OR9A2: variants seen among roughly 807,000 people sequenced by gnomAD.
OR9A2 encodes the protein olfactory receptor family 9 subfamily A member 2.
A neutral mutation model predicts 18.7 loss-of-function variants in OR9A2; 14 were observed. That is an observed-to-expected ratio of 0.75 (90% confidence interval 0.50 to 1.17). OR9A2 has a LOEUF of 1.17. Among genes scored for constraint, OR9A2 ranks in the 50% most tolerant of loss-of-function variants. The probability of loss-of-function intolerance (pLI) is 0.00; values close to 1 mark genes in which losing one functional copy is unlikely to be tolerated. For synonymous variants in OR9A2, 142 were observed against 142.6 expected, an observed-to-expected ratio of 1.00 and a Z score of 0.03; for missense variants, 353 against 372.7, an observed-to-expected ratio of 0.95 and a Z score of 0.44.
At position 143,026,530 on chromosome 7, in the gene OR9A2, A is replaced by G; in HGVS notation, c.603T>C (p.Phe201=). The change falls in exon 1 of 1, where the codon TTT becomes TTC. Residue 201 remains phenylalanine (F), a synonymous_variant. Coordinates refer to ENST00000350513, the MANE Select transcript of OR9A2 (RefSeq NM_001001658.1). ...TEFILFLMAV[F]ILIGSLIPTI... ...TAGGGATCAAAGAACCAATGAGAAT[A>G]AAAACAGCCATTAAGAAAAGGATAA... 1 of 1,614,220 alleles carries G rather than the reference A, an allele frequency of 6.2e-7. No individual in the cohort carries two copies. The highest frequency in any genetic ancestry group is 1.1e-5 in the South Asian group (1 of 91,082).
In OR9A2 at chr7:143,026,992, A is replaced by AC. The variant is rs1562985268; in HGVS notation, c.140_141insG (p.Ile47MetfsTer6). ...ACTGCAGACGTTTATCCACACAGAC[A>AC]ATCACAATGATGACCGTGTTTCCCA... is the stretch of plus-strand genomic sequence containing the variant. On this transcript the variant is annotated frameshift_variant, in exon 1 of 1. Coordinates refer to ENST00000350513, the MANE Select transcript of OR9A2 (RefSeq NM_001001658.1). LOFTEE classifies it high-confidence loss of function. 2.5e-6 allele frequency: 4 copies of AC among 1,614,064 alleles called. No individual in the cohort carries two copies. In the African/African-American group the frequency reaches 5.3e-5, roughly 22 times the overall value.
At position 143,026,565 on chromosome 7, in the gene OR9A2, G is replaced by A. The variant is rs2116446539; in HGVS notation, c.568C>T (p.Leu190Phe). ...LLKLSCDNTL[L>F]TEFILFLMAV... ...ATTAAGAAAAGGATAAACTCTGTGA[G>A]AAGAGTGTTATCGCAGGACAGTTTG... is the stretch of plus-strand genomic sequence containing the variant. The change falls in exon 1 of 1, where the codon CTC becomes TTC. Residue 190 changes from leucine to phenylalanine, a missense_variant. Leu to Phe is a conservative substitution (Grantham distance 22). Coordinates refer to ENST00000350513, the MANE Select transcript of OR9A2 (RefSeq NM_001001658.1). 6.2e-7 allele frequency: 1 copy of A among 1,614,126 alleles called. No individual in the cohort carries two copies. Among genetic ancestry groups the A allele is most frequent in the South Asian group, 1.1e-5 (1 of 91,074 alleles).
In OR9A2 at chr7:143,027,089, C is replaced by A; in HGVS notation, c.44G>T (p.Gly15Val). The A allele has an allele frequency of 6.2e-7, 1 of 1,610,254 alleles. No homozygotes were observed. Among genetic ancestry groups the A allele is most frequent in the East Asian group, 2.2e-5 (1 of 44,842 alleles). ...GTGTAGTCCTTGGGACCCAGGGAAG[C>A]CTAGAAGGTGGAATTCAGTGGCACT... ...HSSATEFHLL[G>V]FPGSQGLHHI... Residue 15 changes from glycine to valine, a missense_variant, in exon 1 of 1, where the codon GGC becomes GTC. Coordinates refer to ENST00000350513, the MANE Select transcript of OR9A2 (RefSeq NM_001001658.1).
chr7:143,026,869 TC>T lies in OR9A2; in HGVS notation c.263del (p.Gly88AspfsTer26), dbSNP rs772087558. On this transcript the variant is annotated frameshift_variant, in exon 1 of 1. Transcript: ENST00000350513. LOFTEE classifies it high-confidence loss of function. The stretch of plus-strand genomic sequence containing the variant: ...CATGTAGAGAAAGATACTGTCTGCA[TC>T]CCAGGAAGAGCAATCCCCAAAGCAT... ...PMMLWGLLFLGCRQYLSLHVS... is the reference protein window; with the variant it reads ...PMMLWGLLFLXCRQYLSLHVS... 1 of 1,614,138 alleles carries T rather than the reference TC, an allele frequency of 6.2e-7. No homozygotes were observed. The highest frequency in any genetic ancestry group is 1.7e-5 in the Admixed American group (1 of 60,006).
Position 143,026,948 on chromosome 7 carries a change from A to G in OR9A2, c.185T>C (p.Leu62Pro), listed in dbSNP as rs772160907. ...KRLQSPMYFF[L>P]SHLSTLEILV... ...GATCTCCAGGGTAGAGAGGTGGCTGAGGAAGAAATACATGGGGGACTGCAG... is the reference window on the plus strand; with the variant it reads ...GATCTCCAGGGTAGAGAGGTGGCTGGGGAAGAAATACATGGGGGACTGCAG... Residue 62 changes from leucine (L) to proline (P), a missense_variant, in exon 1 of 1, where the codon CTC (leucine) becomes CCC (proline). By Grantham distance (98) the Leu-to-Pro change is moderately conservative (BLOSUM62 -3). Coordinates refer to ENST00000350513, the MANE Select transcript of OR9A2 (RefSeq NM_001001658.1). The G allele has an allele frequency of 6.2e-7, 1 of 1,614,202 alleles. No individual in the cohort carries two copies. Among genetic ancestry groups the G allele is most frequent in the South Asian group, 1.1e-5 (1 of 91,076 alleles).
rs141056346 is a variant in OR9A2 at position 143,026,458 on chromosome 7, C to T, written c.675G>A (p.Pro225=). The stretch of plus-strand genomic sequence containing the variant: ...AGGCTTTCCTCCGGCCAGAGGCTGA[C>T]GGGATCTTGAGGATGGTGGAGATAA... ...TYIISTILKI[P]SASGRRKAFS... is the part of the protein sequence containing the mutation. Residue 225 remains proline (P), a synonymous_variant, in exon 1 of 1, where the codon CCG becomes CCA. Transcript: ENST00000350513. 1.0e-4 allele frequency: 163 copies of T among 1,613,816 alleles called. No individual in the cohort carries two copies. The highest frequency in any genetic ancestry group is 1.4e-4 in the South Asian group (13 of 91,058).
In OR9A2 at chr7:143,026,470, G is replaced by C. The variant is rs772703280; in HGVS notation, c.663C>G (p.Ile221Met). 11 of 1,614,170 alleles carry C rather than the reference G, an allele frequency of 6.8e-6. No homozygotes were observed. The highest frequency in any genetic ancestry group is 8.5e-6 in the Non-Finnish European group (10 of 1,180,030). ...IVSYTYIIST[I>M]LKIPSASGRR... ...GGCCAGAGGCTGACGGGATCTTGAG[G>C]ATGGTGGAGATAATGTAGGTGTAGG... is the stretch of plus-strand genomic sequence containing the variant. Residue 221 changes from isoleucine (I) to methionine (M), a missense_variant, in exon 1 of 1, where the codon ATC becomes ATG. Ile to Met is a conservative substitution (Grantham distance 10, BLOSUM62 1). Transcript: ENST00000350513.
Position 143,026,698 on chromosome 7 carries a change from C to G in OR9A2, c.435G>C (p.Trp145Cys). The G allele has an allele frequency of 6.2e-7, 1 of 1,614,078 alleles. No homozygotes were observed. Among genetic ancestry groups the G allele is most frequent in the South Asian group, 1.1e-5 (1 of 91,068 alleles). ...AGATTTCAGAAAGAAATCCAAACAC[C>G]CATGACACTATTACCACCCAAATAC... ...STCIWVVIVS[W>C]VFGFLSEIWP... The change falls in exon 1 of 1, where the codon TGG (tryptophan) becomes TGC (cysteine). Residue 145 changes from tryptophan to cysteine, a missense_variant. Transcript: ENST00000350513.
chr7:143,027,060 T>C lies in OR9A2; in HGVS notation c.73A>G (p.Ile25Val). The C allele has an allele frequency of 6.2e-7, 1 of 1,613,828 alleles. No homozygotes were observed. The highest frequency in any genetic ancestry group is 8.5e-7 in the Non-Finnish European group (1 of 1,179,920). The change falls in exon 1 of 1, where the codon ATT (isoleucine) becomes GTT (valine). Residue 25 changes from isoleucine to valine, a missense_variant. Physicochemically the swap from Ile to Val is conservative, Grantham distance 29. Transcript: ENST00000350513. ...GFPGSQGLHH[I>V]LFAIFFFFYL... ...AAGAAAAAGAATATAGCAAAAAGAA[T>C]GTGGTGTAGTCCTTGGGACCCAGGG...
In OR9A2 at chr7:143,026,866, G is replaced by A. The variant is rs1797852697; in HGVS notation, c.267C>T (p.Cys89=). The part of the protein sequence containing the change: ...MMLWGLLFLG[C]RQYLSLHVSL... Reference sequence around the variant, plus strand: ...ATACATGTAGAGAAAGATACTGTCTGCATCCCAGGAAGAGCAATCCCCAAA... The same window carrying A: ...ATACATGTAGAGAAAGATACTGTCTACATCCCAGGAAGAGCAATCCCCAAA... Residue 89 remains cysteine (C), a synonymous_variant, in exon 1 of 1, where the codon TGC becomes TGT. Coordinates refer to ENST00000350513, the MANE Select transcript of OR9A2 (RefSeq NM_001001658.1). 5 of 1,614,144 alleles carry A rather than the reference G, an allele frequency of 3.1e-6. No individual in the cohort carries two copies. The highest frequency in any genetic ancestry group is 1.3e-5 in the African/African-American group (1 of 75,030).
In OR9A2 at chr7:143,026,779, A is replaced by G; in HGVS notation, c.354T>C (p.Arg118=). 5 of 1,614,130 alleles carry G rather than the reference A, an allele frequency of 3.1e-6. No homozygotes were observed. The highest frequency in any genetic ancestry group is 4.2e-6 in the Non-Finnish European group (5 of 1,180,014). The change falls in exon 1 of 1, where the codon CGT becomes CGC. Residue 118 remains arginine, a synonymous_variant. Transcript: ENST00000350513. ...FALLGVMAVD[R]YVAVCNPLRY... is the part of the protein sequence containing the mutation. The stretch of plus-strand genomic sequence containing the variant: ...TCAAAGGGTTACACACAGCCACATA[A>G]CGGTCCACAGCCATCACTCCAAGTA...
In OR9A2 at chr7:143,027,088, G is replaced by A. The variant is rs957906195; in HGVS notation, c.45C>T (p.Gly15=). 4 of 1,610,672 alleles carry A rather than the reference G, an allele frequency of 2.5e-6. No individual in the cohort carries two copies. The highest frequency in any genetic ancestry group is 3.4e-6 in the Non-Finnish European group (4 of 1,178,200). Residue 15 remains glycine (G), a synonymous_variant, in exon 1 of 1, where the codon GGC becomes GGT. Transcript: ENST00000350513. ...HSSATEFHLL[G]FPGSQGLHHI... Reference sequence around the variant, plus strand: ...GGTGTAGTCCTTGGGACCCAGGGAAGCCTAGAAGGTGGAATTCAGTGGCAC... The same window carrying A: ...GGTGTAGTCCTTGGGACCCAGGGAAACCTAGAAGGTGGAATTCAGTGGCAC...
In OR9A2 at chr7:143,026,672, C is replaced by A. The variant is rs767432438; in HGVS notation, c.461G>T (p.Trp154Leu). ...AAACTGAAATGTGGCATAGATGGGCCAGATTTCAGAAAGAAATCCAAACAC... is the reference window on the plus strand; with the variant it reads ...AAACTGAAATGTGGCATAGATGGGCAAGATTTCAGAAAGAAATCCAAACAC... ...SWVFGFLSEI[W>L]PIYATFQFTF... is the part of the protein sequence containing the mutation. Residue 154 changes from tryptophan to leucine, a missense_variant, in exon 1 of 1, where the codon TGG (tryptophan) becomes TTG (leucine). Coordinates refer to ENST00000350513, the MANE Select transcript of OR9A2 (RefSeq NM_001001658.1). 4 of 1,614,072 alleles carry A rather than the reference C, an allele frequency of 2.5e-6. No individual in the cohort carries two copies. The East Asian group carries it at 8.9e-5, about 36-fold the overall frequency.
chr7:143,026,459 G>A lies in OR9A2; in HGVS notation c.674C>T (p.Pro225Leu), dbSNP rs747732505. Reference protein sequence around the residue: ...TYIISTILKIPSASGRRKAFS... With the variant: ...TYIISTILKILSASGRRKAFS... ...GGCTTTCCTCCGGCCAGAGGCTGACGGGATCTTGAGGATGGTGGAGATAAT... is the reference window on the plus strand; with the variant it reads ...GGCTTTCCTCCGGCCAGAGGCTGACAGGATCTTGAGGATGGTGGAGATAAT... Residue 225 changes from proline to leucine, a missense_variant, in exon 1 of 1, where the codon CCG becomes CTG. Physicochemically the swap from Pro to Leu is moderately conservative, Grantham distance 98. Transcript: ENST00000350513. 15 of 1,614,106 alleles carry A rather than the reference G, an allele frequency of 9.3e-6. No homozygotes were observed. Among genetic ancestry groups the A allele is most frequent in the Admixed American group, 5.0e-5 (3 of 60,016 alleles).
chr7:143,027,025 C>T lies in OR9A2; in HGVS notation c.108G>A (p.Val36=), dbSNP rs1222998224. The change falls in exon 1 of 1, where the codon GTG becomes GTA. Residue 36 remains valine (V), a synonymous_variant. Transcript: ENST00000350513. The stretch of plus-strand genomic sequence containing the variant: ...TGATGACCGTGTTTCCCATTAATGT[C>T]ACTAAATAGAAGAAAAAGAATATAG... ...LFAIFFFFYL[V]TLMGNTVIIV... is the part of the protein sequence containing the mutation. 2 of 1,614,024 alleles carry T rather than the reference C, an allele frequency of 1.2e-6. No homozygotes were observed. The highest frequency in any genetic ancestry group is 1.7e-6 in the Non-Finnish European group (2 of 1,179,976).
chr7:143,026,659 G>A lies in OR9A2; in HGVS notation c.474C>T (p.Ala158=). The A allele has an allele frequency of 2.5e-6, 4 of 1,614,182 alleles. No individual in the cohort carries two copies. Among genetic ancestry groups the A allele is most frequent in the Non-Finnish European group, 3.4e-6 (4 of 1,180,032 alleles). The part of the protein sequence containing the change: ...GFLSEIWPIY[A]TFQFTFRKSN... Reference sequence around the variant, plus strand: ...ATTTGCGGAAGGTAAACTGAAATGTGGCATAGATGGGCCAGATTTCAGAAA... The same window carrying A: ...ATTTGCGGAAGGTAAACTGAAATGTAGCATAGATGGGCCAGATTTCAGAAA... The change falls in exon 1 of 1, where the codon GCC becomes GCT. Residue 158 remains alanine (A), a synonymous_variant. Coordinates refer to ENST00000350513, the MANE Select transcript of OR9A2 (RefSeq NM_001001658.1).
Position 143,026,444 on chromosome 7 carries a change from C to T in OR9A2, c.689G>A (p.Arg230Gln), listed in dbSNP as rs375780335. The T allele has an allele frequency of 4.1e-5, 66 of 1,613,872 alleles. No homozygotes were observed. The highest frequency in any genetic ancestry group is 1.5e-4 in the African/African-American group (11 of 74,850). ...TILKIPSASG[R>Q]RKAFSTFASH... Reference sequence around the variant, plus strand: ...GGCAAAAGTGGAGAAGGCTTTCCTCCGGCCAGAGGCTGACGGGATCTTGAG... The same window carrying T: ...GGCAAAAGTGGAGAAGGCTTTCCTCTGGCCAGAGGCTGACGGGATCTTGAG... Residue 230 changes from arginine (R) to glutamine (Q), a missense_variant, in exon 1 of 1, where the codon CGG (arginine) becomes CAG (glutamine). Arg to Gln is a conservative substitution (Grantham distance 43). Coordinates refer to ENST00000350513, the MANE Select transcript of OR9A2 (RefSeq NM_001001658.1).
chr7:143,026,601 C>G lies in OR9A2; in HGVS notation c.532G>C (p.Gly178Arg), dbSNP rs1350165735. The G allele has an allele frequency of 1.9e-6, 3 of 1,614,032 alleles. No individual in the cohort carries two copies. Among genetic ancestry groups the G allele is most frequent in the East Asian group, 4.5e-5 (2 of 44,898 alleles). Residue 178 changes from glycine (G) to arginine (R), a missense_variant, in exon 1 of 1, where the codon GGG (glycine) becomes CGG (arginine). By Grantham distance (125) the Gly-to-Arg change is moderately radical. Coordinates refer to ENST00000350513, the MANE Select transcript of OR9A2 (RefSeq NM_001001658.1). ...TCGCAGGACAGTTTGAGCAATTGCC[C>G]TCGGTCACAGTAAAAATGGTCTAAT... ...NSLDHFYCDR[G>R]QLLKLSCDNT...
At position 143,026,751 on chromosome 7, in the gene OR9A2, A is replaced by G. The variant is rs1238894770; in HGVS notation, c.382T>C (p.Tyr128His). 1.2e-6 allele frequency: 2 copies of G among 1,614,130 alleles called. No homozygotes were observed. Among genetic ancestry groups the G allele is most frequent in the Non-Finnish European group, 8.5e-7 (1 of 1,180,020 alleles). Residue 128 changes from tyrosine to histidine, a missense_variant, in exon 1 of 1, where the codon TAC becomes CAC. Physicochemically the swap from Tyr to His is moderately conservative, Grantham distance 83. Transcript: ENST00000350513. ...GTACTGCTGTTCATAATGATGTTGT[A>G]CCTCAAAGGGTTACACACAGCCACA... ...RYVAVCNPLRYNIIMNSSTCI... is the reference protein window; with the variant it reads ...RYVAVCNPLRHNIIMNSSTCI...
Sources: gnomAD v4.1 joint callset for allele counts on GRCh38, gnomAD v4.1.1 for gene constraint, MANE v1.5 for transcripts, NCBI Gene and HGNC (gene_info 2026-07-23, HGNC 2026-07-21) for gene names.